The following USH2A variants were observed in gnomAD, a reference collection of about 807,000 sequenced individuals.
USH2A encodes the protein usherin.
In USH2A, 443 loss-of-function variants were observed where a neutral mutation model predicts 538.9. The ratio of observed to expected loss-of-function variants is 0.82; its 90% CI spans 0.76 to 0.89. The LOEUF (loss-of-function observed/expected upper bound fraction) is 0.89. USH2A is among the 40% of genes least tolerant of loss of function. USH2A has a pLI of 0.00. For missense variants in USH2A, 6,633 were observed against 6,324.8 expected (o/e 1.05, Z -1.65); for synonymous variants, 2,413 against 2,273.5 (o/e 1.06, Z -1.75).
At chr1:215,898,300 T>C (rs955016594) in intron 40 of USH2A, among the ~76,000 whole-genome samples, 1 of 152,218 alleles carries the variant, frequency 6.6e-6, no homozygotes, top group African/African-American at 2.4e-5. Flanking sequence ...AAGCCCTAAA[T>C]ACCACAACAA....
chr1:215,866,106 G>A (rs1352987543), intron 44 of USH2A, among the ~76,000 whole-genome samples: 1 of 152,124 alleles, frequency 6.6e-6, no homozygotes, highest in Non-Finnish European at 1.5e-5. Context: ...TCCTGATCAG[G>A]TATTTCTCAA....
In USH2A at chr1:215,628,920, T is replaced by C; in HGVS notation, c.15413A>G (p.Gln5138Arg). The change falls in exon 71 of 72, where the codon CAG (glutamine) becomes CGG (arginine). Residue 5138 changes from glutamine (Q) to arginine (R), a missense_variant. Transcript: ENST00000307340. ...GCTGACGCTGCGGTGAAGAGAACCCTGGGAGTAGGTTAGGCTGGTTTGGTT... is the reference window on the plus strand; with the variant it reads ...GCTGACGCTGCGGTGAAGAGAACCCCGGGAGTAGGTTAGGCTGGTTTGGTT... ...SQNQTSLTYSQGSLHRSVSQL... is the reference protein window; with the variant it reads ...SQNQTSLTYSRGSLHRSVSQL... 4 of 1,614,122 alleles carry C rather than the reference T, an allele frequency of 2.5e-6. No individual in the cohort carries two copies. Among genetic ancestry groups the C allele is most frequent in the Non-Finnish European group, 3.4e-6 (4 of 1,180,034 alleles).
At chr1:216,012,268 C>T (rs1668593808) in intron 32 of USH2A, among the ~76,000 whole-genome samples, 1 of 152,064 alleles carries the variant, frequency 6.6e-6, no homozygotes, top group Non-Finnish European at 1.5e-5. Flanking sequence ...GAAATCTATC[C>T]TCAAGGAAAT....
chr1:215,647,566 C>T lies in USH2A; in HGVS notation c.14747G>A (p.Gly4916Asp). The T allele has an allele frequency of 6.2e-7, 1 of 1,614,156 alleles. No individual in the cohort carries two copies. The highest frequency in any genetic ancestry group is 1.1e-5 in the South Asian group (1 of 91,080). ...KLRVVAHNEV[G>D]STASEWISFT... Reference sequence around the variant, plus strand: ...ACTGATCCACTCGGAAGCCGTACTGCCCACCTCGTTGTGTGCCACCACTCT... The same window carrying T: ...ACTGATCCACTCGGAAGCCGTACTGTCCACCTCGTTGTGTGCCACCACTCT... Residue 4916 changes from glycine to aspartate, a missense_variant, in exon 67 of 72, where the codon GGC becomes GAC. Transcript: ENST00000307340.
intron 4 of USH2A, among the ~76,000 whole-genome samples, chr1:216,336,439 A>G (rs2102672123): frequency 6.6e-6 from 1 of 151,400 alleles, no homozygotes; most frequent in Middle Eastern, 3.4e-3. Flanking sequence ...ATCTTTCCAT[A>G]TTGAAAAAGT....
At chr1:215,823,922 AT>A (rs1452872436) in intron 47 of USH2A, among the ~76,000 whole-genome samples, 2 of 151,744 alleles carry the variant, frequency 1.3e-5, no homozygotes, top group African/African-American at 2.4e-5. Context: ...CTGTTGAGAA[AT>A]GTCTGAATTT....
chr1:216,115,649 T>C (rs2032989945), intron 21 of USH2A, among the ~76,000 whole-genome samples: 1 of 152,004 alleles, frequency 6.6e-6, no homozygotes, highest in African/African-American at 2.4e-5. Context: ...CCTCCCTTTA[T>C]ACGTACTGTA....
intron 59 of USH2A, 64 bp from the exon 60 acceptor site, chr1:215,741,601 T>C (rs1387672250): frequency 7.0e-6 from 11 of 1,561,264 alleles, no homozygotes; most frequent in Non-Finnish European, 9.6e-6. Flanking sequence ...TACATATTCA[T>C]ACAGAAGGGT....
In USH2A at chr1:215,685,008, A is replaced by G. The variant is rs560397293; in HGVS notation, c.12067-4632T>C. ...ATTAATTATATTTTATTTTGTCTTA[A>G]TGATAAGGAATGATTATACCTGAGA... On this transcript the variant is annotated intron_variant, in intron 61 of 71. Transcript: ENST00000307340. 9.9e-5 allele frequency among the ~76,000 whole-genome samples: 15 copies of G among 152,186 alleles called. No individual in the cohort carries two copies. In the South Asian group the frequency reaches 3.1e-3, roughly 32 times the overall value.
At chr1:215,660,953 T>C (rs1250597266) in intron 64 of USH2A, among the ~76,000 whole-genome samples, 1 of 152,232 alleles carries the variant, frequency 6.6e-6, no homozygotes, top group Non-Finnish European at 1.5e-5. Context: ...GCAGATTAGA[T>C]TGCTTCATAT....
In USH2A at chr1:216,285,244, C is replaced by A. The variant is rs138824340; in HGVS notation, c.1971+4036G>T. Reference sequence around the variant, plus strand: ...TGGTCCCATGGGCCCAGGGCCCCCCCACTGTGTGCAGTCTAGGGACTTGGT... The same window carrying A: ...TGGTCCCATGGGCCCAGGGCCCCCCAACTGTGTGCAGTCTAGGGACTTGGT... On this transcript the variant is annotated intron_variant, in intron 11 of 71. Coordinates refer to ENST00000307340, the MANE Select transcript of USH2A (RefSeq NM_206933.4). 1.0e-3 allele frequency among the ~76,000 whole-genome samples: 154 copies of A among 152,318 alleles called. 1 individual carries two copies. Among genetic ancestry groups the A allele is most frequent in the African/African-American group, 3.5e-3 (146 of 41,578 alleles).
At chr1:215,701,683 C>A (rs1571970243) in intron 61 of USH2A, among the ~76,000 whole-genome samples, 1 of 152,334 alleles carries the variant, frequency 6.6e-6, no homozygotes, top group Non-Finnish European at 1.5e-5. Flanking sequence ...AATATTCCTC[C>A]ATCCCTTCGT....
At chr1:216,252,989 A>G (rs1001854380) in intron 11 of USH2A, among the ~76,000 whole-genome samples, 1 of 152,240 alleles carries the variant, frequency 6.6e-6, no homozygotes, top group East Asian at 1.9e-4. Flanking sequence ...CCAAAGAGAT[A>G]GTAAACACCT....
chr1:215,682,238 T>C (rs758587595), intron 61 of USH2A, among the ~76,000 whole-genome samples: 11 of 152,168 alleles, frequency 7.2e-5, no homozygotes, highest in Admixed American at 1.3e-4. Flanking sequence ...AAGCAAATAG[T>C]AATCACCTCT....
intron 38 of USH2A, among the ~76,000 whole-genome samples, chr1:215,909,755 G>C (rs898542234): frequency 3.9e-5 from 6 of 151,920 alleles, no homozygotes; most frequent in Admixed American, 3.3e-4. Flanking sequence ...AGATCACTGG[G>C]AGAAGCACAA....
Position 215,636,214 on chromosome 1 carries a change from C to T in USH2A, c.15053-1511G>A, listed in dbSNP as rs58162887. ...ACACCTCTAGAACTCCATGGGCCTG[C>T]GTGGTACTTCACACTCACACTAGCA... On this transcript the variant is annotated intron_variant, in intron 69 of 71. Coordinates refer to ENST00000307340, the MANE Select transcript of USH2A (RefSeq NM_206933.4). Among the ~76,000 whole-genome samples the T allele has an allele frequency of 5.9e-3, 897 of 152,240 alleles. 21 individuals are homozygous for T. In the South Asian group the frequency reaches 0.064, roughly 11 times the overall value.
chr1:216,115,857 A>G (rs760855862), intron 21 of USH2A, among the ~76,000 whole-genome samples: 1 of 151,862 alleles, frequency 6.6e-6, no homozygotes, highest in Non-Finnish European at 1.5e-5. Context: ...GTAGAAATCT[A>G]CATAAAGGAC....
chr1:216,147,786 A>G (rs518661), intron 21 of USH2A, among the ~76,000 whole-genome samples: 2,204 of 141,594 alleles, frequency 0.016, 19 homozygotes, highest in African/African-American at 0.031. Flanking sequence ...GCGGCCAGGC[A>G]TTCCTCCAGA....
At chr1:216,227,332 T>C (rs907788356) in intron 14 of USH2A, among the ~76,000 whole-genome samples, 18 of 152,220 alleles carry the variant, frequency 1.2e-4, no homozygotes, top group Non-Finnish European at 2.4e-4. Flanking sequence ...AATCATGTTT[T>C]CTTGAATCAT....
Sources: gnomAD v4.1 joint callset for allele counts (sites outside exome capture counted in the v4.1 genomes callset) on GRCh38, gnomAD v4.1.1 for gene constraint, MANE v1.5 for transcripts, NCBI Gene and HGNC (gene_info 2026-07-23, HGNC 2026-07-21) for gene names.